The following LRBA variants were observed in gnomAD, a reference collection of about 807,000 sequenced individuals.
LRBA encodes the protein LPS responsive beige-like anchor protein.
LRBA carries 176 observed loss-of-function variants against 330.0 expected under a neutral mutation model. The observed-to-expected ratio is 0.53, with a 90% confidence interval of 0.47 to 0.60. LRBA has a LOEUF of 0.60. LRBA is among the 20% of genes least tolerant of loss of function. The pLI, the probability that LRBA is intolerant of heterozygous loss-of-function variation, is 0.00. For missense variants in LRBA, 3,259 were observed against 3,444.8 expected, an observed-to-expected ratio of 0.95 and a Z score of 1.35; for synonymous variants, 1,230 against 1,193.0, an observed-to-expected ratio of 1.03 and a Z score of -0.64.
intron 36 of LRBA, among the ~76,000 whole-genome samples, chr4:150,698,303 G>T (rs1784813113): frequency 6.6e-6 from 1 of 151,994 alleles, no homozygotes. Context: ...ACATAATTTG[G>T]TCTATGGTTA....
chr4:150,739,241 T>C (rs1427383683), intron 35 of LRBA, among the ~76,000 whole-genome samples: 1 of 152,120 alleles, frequency 6.6e-6, no homozygotes, highest in Admixed American at 6.5e-5. Flanking sequence ...CTACCAGATA[T>C]AGAATATATA....
intron 43 of LRBA, among the ~76,000 whole-genome samples, chr4:150,468,536 G>A (rs915189072): frequency 6.6e-6 from 1 of 151,912 alleles, no homozygotes; most frequent in African/African-American, 2.4e-5. Flanking sequence ...ACCTTTTTAG[G>A]GAGGTAGCAT....
intron 2 of LRBA, among the ~76,000 whole-genome samples, chr4:150,978,716 G>A (rs1199298310): frequency 6.6e-6 from 1 of 152,142 alleles, no homozygotes; most frequent in East Asian, 1.9e-4. Context: ...GCAGAAATTT[G>A]AGAATTGAAA....
chr4:150,391,670 T>C (rs527788273), intron 47 of LRBA, among the ~76,000 whole-genome samples: 2 of 152,296 alleles, frequency 1.3e-5, no homozygotes, highest in Non-Finnish European at 1.5e-5. Flanking sequence ...GAATTTTCTG[T>C]ACAGTGAGAG....
At chr4:150,923,564 A>AC (rs1259156672) in intron 4 of LRBA, among the ~76,000 whole-genome samples, 2 of 152,252 alleles carry the variant, frequency 1.3e-5, no homozygotes, top group Non-Finnish European at 2.9e-5. Flanking sequence ...ATGTATACGC[A>AC]TAGCATATAC....
intron 37 of LRBA, among the ~76,000 whole-genome samples, chr4:150,644,412 CA>C (rs148435657): frequency 0.064 from 9,652 of 151,452 alleles, 427 homozygotes; most frequent in Non-Finnish European, 0.1. Context: ...GTTAGTCAAG[CA>C]AAAAAAGTCA....
intron 37 of LRBA, among the ~76,000 whole-genome samples, chr4:150,678,246 A>C (rs1359649082): frequency 6.8e-6 from 1 of 146,612 alleles, no homozygotes; most frequent in Non-Finnish European, 1.5e-5. Flanking sequence ...GTCTCCAAGA[A>C]AAAAAAAAAA....
intron 30 of LRBA, among the ~76,000 whole-genome samples, chr4:150,826,483 C>G (rs1462599489): frequency 1.3e-5 from 2 of 152,112 alleles, no homozygotes; most frequent in East Asian, 3.8e-4. Flanking sequence ...AACCCCTGAG[C>G]CTTGAAAGGA....
chr4:150,337,324 C>T (rs1050693102), intron 48 of LRBA, among the ~76,000 whole-genome samples: 3 of 152,052 alleles, frequency 2.0e-5, no homozygotes, highest in African/African-American at 7.2e-5. Context: ...GAAAAAAAAT[C>T]ATAAAAATAT....
At chr4:150,614,277 C>G (rs1188278198) in intron 37 of LRBA, among the ~76,000 whole-genome samples, 1 of 152,160 alleles carries the variant, frequency 6.6e-6, no homozygotes, top group Non-Finnish European at 1.5e-5. Context: ...GGGTTTTACC[C>G]TATAGCAATG....
intron 37 of LRBA, among the ~76,000 whole-genome samples, chr4:150,641,065 T>C (rs910705652): frequency 6.6e-6 from 1 of 152,098 alleles, no homozygotes; most frequent in African/African-American, 2.4e-5. Context: ...ATCATTCCTG[T>C]CCCCATCTTT....
intron 2 of LRBA, among the ~76,000 whole-genome samples, chr4:150,930,751 A>G (rs1195516894): frequency 6.6e-6 from 1 of 152,198 alleles, no homozygotes; most frequent in Non-Finnish European, 1.5e-5. Context: ...AAGCACAGTG[A>G]TAAAGACATT....
intron 35 of LRBA, among the ~76,000 whole-genome samples, chr4:150,754,572 A>T (rs897055847): frequency 2.0e-5 from 3 of 151,352 alleles, no homozygotes; most frequent in Non-Finnish European, 4.4e-5. Flanking sequence ...TCTCTGCTCA[A>T]TTAATCCACT....
rs540344470 is a variant in LRBA at position 150,339,149 on chromosome 4, G to A, written c.7362+10843C>T. ...TTGTGCTCTCCCTCAAATATGATGG[G>A]AAAAATGAAGAAATAAACTCAAATG... On this transcript the variant is annotated intron_variant, in intron 48 of 56. Coordinates refer to ENST00000651943, the MANE Select transcript of LRBA (RefSeq NM_001364905.1). Among the ~76,000 whole-genome samples, 4 of 152,102 alleles carry A rather than the reference G, an allele frequency of 2.6e-5. No individual in the cohort carries two copies. In the East Asian group the frequency reaches 7.7e-4, roughly 29 times the overall value.
chr4:150,894,120 A>T (rs1302222076), intron 16 of LRBA, among the ~76,000 whole-genome samples: 1 of 152,194 alleles, frequency 6.6e-6, no homozygotes, highest in Non-Finnish European at 1.5e-5. Context: ...AATTGTGGGG[A>T]AGGGTTATTC....
intron 37 of LRBA, among the ~76,000 whole-genome samples, chr4:150,606,356 C>T (rs774351184): frequency 2.6e-5 from 4 of 152,030 alleles, no homozygotes; most frequent in South Asian, 4.1e-4. Flanking sequence ...TTAAAGCTCA[C>T]CTCAGCCTCA....
rs565148136 is a variant in LRBA, at chr4:150,406,091, G to A, written c.7194+9347C>T. ...TGTATATTGTAGTCTCTATAAATAC[G>A]ACTAAGAAAAGAACTAAAACAAATA... On this transcript the variant is annotated intron_variant, in intron 47 of 56. Transcript: ENST00000651943. 4.6e-5 allele frequency among the ~76,000 whole-genome samples: 7 copies of A among 151,850 alleles called. No homozygotes were observed. The South Asian group carries it at 8.4e-4, about 18-fold the overall frequency.
rs1427089177 is a variant in LRBA, at chr4:150,496,835, C to T, written c.6331-5800G>A. On this transcript the variant is annotated intron_variant, in intron 40 of 56. Coordinates refer to ENST00000651943, the MANE Select transcript of LRBA (RefSeq NM_001364905.1). ...GAACCATCTCCAAACCCTATCAATA[C>T]ATTTAACATCAGGAAAAATGTTGTT... 2.6e-5 allele frequency among the ~76,000 whole-genome samples: 4 copies of T among 151,984 alleles called. No individual in the cohort carries two copies. The East Asian group carries it at 7.7e-4, about 29-fold the overall frequency.
Position 151,014,420 on chromosome 4 carries a change from G to A in LRBA, c.216+7C>T. The A allele has an allele frequency of 1.2e-6, 2 of 1,606,872 alleles. No individual in the cohort carries two copies. Among genetic ancestry groups the A allele is most frequent in the Non-Finnish European group, 1.7e-6 (2 of 1,173,578 alleles). Reference sequence around the variant, plus strand: ...AGTATATGCTTATAAAATATTCATGGACTTACCAGGTTAAAGACAGTTTCT... The same window carrying A: ...AGTATATGCTTATAAAATATTCATGAACTTACCAGGTTAAAGACAGTTTCT... On this transcript the variant is annotated splice_region_variant and intron_variant, in intron 2 of 56. Coordinates refer to ENST00000651943, the MANE Select transcript of LRBA (RefSeq NM_001364905.1).
Sources: allele counts gnomAD v4.1 joint callset (sites outside exome capture counted in the v4.1 genomes callset), GRCh38; gene constraint gnomAD v4.1.1; transcripts MANE v1.5; gene names NCBI Gene and HGNC (gene_info 2026-07-23, HGNC 2026-07-21).